LRP1B: variants seen among roughly 807,000 people sequenced by gnomAD.
LRP1B encodes LDL receptor related protein 1B, also known as low-density lipoprotein receptor-related protein 1B.
Under a neutral mutation model 556.6 loss-of-function variants are expected in LRP1B, and 217 were observed. That is an observed-to-expected ratio of 0.39 (90% CI 0.35 to 0.44). The LOEUF (loss-of-function observed/expected upper bound fraction) is 0.44, where lower values mean the gene tolerates loss of function less well. Ranked by LOEUF, LRP1B falls within the 20% of genes least tolerant of loss-of-function variation. The pLI, the probability that LRP1B is intolerant of heterozygous loss-of-function variation, is 1.00. For missense variants in LRP1B, 5,053 were observed against 5,620.8 expected (o/e 0.90, Z 3.23); for synonymous variants, 2,047 against 1,865.8 (o/e 1.10, Z -2.50).
chr2:141,777,412 A>G (rs1695112691), intron 2 of LRP1B, among the ~76,000 whole-genome samples: 1 of 152,030 alleles, frequency 6.6e-6, no homozygotes, highest in African/African-American at 2.4e-5. Flanking sequence ...TTATTTTTAA[A>G]TGTATTTCTT....
At chr2:140,803,467 TATTTA>T (rs1269116553) in intron 32 of LRP1B, among the ~76,000 whole-genome samples, 2 of 151,494 alleles carry the variant, frequency 1.3e-5, no homozygotes, top group Non-Finnish European at 2.9e-5. Flanking sequence ...ATTATTTATT[TATTTA>T]TTTTTTTAGT....
intron 66 of LRP1B, among the ~76,000 whole-genome samples, chr2:140,426,487 C>T (rs919159814): frequency 6.6e-6 from 1 of 152,176 alleles, no homozygotes; most frequent in African/African-American, 2.4e-5. Flanking sequence ...GATGACATTC[C>T]ACCACAAAAG....
At chr2:140,243,046 A>G (rs905900405) in intron 87 of LRP1B, among the ~76,000 whole-genome samples, 3 of 150,860 alleles carry the variant, frequency 2.0e-5, no homozygotes, top group Non-Finnish European at 3.0e-5. Context: ...AGCCATCCAT[A>G]TGGATGGACA....
chr2:141,409,568 T>C (rs6429873), intron 3 of LRP1B, among the ~76,000 whole-genome samples: 5 of 151,840 alleles, frequency 3.3e-5, no homozygotes, highest in African/African-American at 1.2e-4. Context: ...CCAAGAAATA[T>C]TTTAATATGT....
At chr2:140,979,180 T>C (rs1338451702) in intron 18 of LRP1B, among the ~76,000 whole-genome samples, 6 of 152,030 alleles carry the variant, frequency 3.9e-5, no homozygotes, top group Non-Finnish European at 8.8e-5. Flanking sequence ...GGTTCTACCA[T>C]GTTAGCCAGG....
At chr2:141,904,760 T>C (rs1350030564) in intron 1 of LRP1B, among the ~76,000 whole-genome samples, 1 of 151,804 alleles carries the variant, frequency 6.6e-6, no homozygotes. Context: ...CTAGCAAAGG[T>C]TAGAGAAACT....
At chr2:140,626,281 C>T (rs1443293095) in intron 41 of LRP1B, among the ~76,000 whole-genome samples, 1 of 151,978 alleles carries the variant, frequency 6.6e-6, no homozygotes, top group Non-Finnish European at 1.5e-5. Flanking sequence ...CTGTATAGTA[C>T]CACAATGGTA....
intron 1 of LRP1B, among the ~76,000 whole-genome samples, chr2:141,916,541 C>CTTTT (rs58336400): frequency 8.0e-6 from 1 of 124,734 alleles, no homozygotes; most frequent in Non-Finnish European, 1.6e-5. Context: ...ATTTTTTGAA[C>CTTTT]TTTTTTTTTT....
chr2:142,121,396 T>G (rs1574709106), intron 1 of LRP1B, among the ~76,000 whole-genome samples: 1 of 152,306 alleles, frequency 6.6e-6, no homozygotes, highest in East Asian at 1.9e-4. Context: ...CTACCTGACC[T>G]AATCTGACTT....
intron 1 of LRP1B, among the ~76,000 whole-genome samples, chr2:142,041,338 A>T (rs1391217610): frequency 6.6e-6 from 1 of 151,420 alleles, no homozygotes; most frequent in African/African-American, 2.4e-5. Flanking sequence ...AGTCATGTGG[A>T]AGCTGGCACT....
chr2:141,931,483 A>G (rs545541525), intron 1 of LRP1B, among the ~76,000 whole-genome samples: 5 of 152,168 alleles, frequency 3.3e-5, no homozygotes, highest in African/African-American at 9.6e-5. Context: ...AAATAGAGAA[A>G]GAACGCTTCT....
chr2:141,110,096 A>T (rs1047248190), intron 7 of LRP1B, among the ~76,000 whole-genome samples: 1 of 138,350 alleles, frequency 7.2e-6, no homozygotes. Flanking sequence ...TAAGACAGCT[A>T]AAACTTAAAA....
At chr2:140,388,098 G>A (rs957121291) in intron 66 of LRP1B, among the ~76,000 whole-genome samples, 1 of 151,964 alleles carries the variant, frequency 6.6e-6, no homozygotes, top group East Asian at 1.9e-4. Flanking sequence ...CACCATACCC[G>A]GCTAATTTTT....
intron 2 of LRP1B, among the ~76,000 whole-genome samples, chr2:141,618,638 T>G (rs1437716833): frequency 6.6e-6 from 1 of 152,340 alleles, no homozygotes; most frequent in East Asian, 1.9e-4. Context: ...AGGATGCCAC[T>G]ACAATAGTCT....
intron 30 of LRP1B, among the ~76,000 whole-genome samples, chr2:140,840,332 C>A (rs559750445): frequency 1.3e-5 from 2 of 152,260 alleles, no homozygotes; most frequent in East Asian, 3.9e-4. Flanking sequence ...TTTCCTCCTA[C>A]ATACAAGACT....
chr2:140,485,088 C>T (rs1688410978), intron 59 of LRP1B, among the ~76,000 whole-genome samples: 2 of 152,016 alleles, frequency 1.3e-5, no homozygotes, highest in Non-Finnish European at 2.9e-5. Context: ...TCATTTCTAC[C>T]ATGGATTTAT....
intron 1 of LRP1B, among the ~76,000 whole-genome samples, chr2:142,010,774 A>G (rs182916411): frequency 2.6e-4 from 39 of 152,198 alleles, no homozygotes; most frequent in South Asian, 2.5e-3. Flanking sequence ...AGCATCACCC[A>G]GGAATGACAA....
intron 84 of LRP1B, among the ~76,000 whole-genome samples, chr2:140,288,111 A>G (rs1683226934): frequency 2.0e-5 from 3 of 148,614 alleles, no homozygotes; most frequent in African/African-American, 7.4e-5. Context: ...TCTCATCTTT[A>G]TACCCTTGGA....
chr2:141,494,658 G>A (rs544565979), intron 2 of LRP1B, among the ~76,000 whole-genome samples: 1 of 151,186 alleles, frequency 6.6e-6, no homozygotes, highest in South Asian at 2.1e-4. Context: ...AGTATTTGGT[G>A]ACTAGCGAAT....
Sources: allele counts gnomAD v4.1 joint callset (sites outside exome capture counted in the v4.1 genomes callset), GRCh38; gene constraint gnomAD v4.1.1; transcripts MANE v1.5; gene names NCBI Gene and HGNC (gene_info 2026-07-23, HGNC 2026-07-21).